The following PCLO variants were observed in gnomAD, a reference collection of about 807,000 sequenced individuals.
The protein encoded by PCLO is protein piccolo.
Under a neutral mutation model 427.5 loss-of-function variants are expected in PCLO, and 82 were observed. The ratio of observed to expected loss-of-function variants is 0.19; its 90% CI spans 0.16 to 0.23. The LOEUF (loss-of-function observed/expected upper bound fraction) is 0.23, where lower values mean the gene tolerates loss of function less well. Ranked by LOEUF, PCLO falls within the 10% of genes least tolerant of loss-of-function variation. The probability of loss-of-function intolerance (pLI) is 1.00; values close to 1 mark genes in which losing one functional copy is unlikely to be tolerated. For synonymous variants in PCLO, 2,357 were observed against 2,155.4 expected (o/e 1.09, Z -2.59); for missense variants, 6,239 against 6,115.9 (o/e 1.02, Z -0.67).
In PCLO at chr7:82,953,143, AACTGGTAATTGCTTG is replaced by A; in HGVS notation, c.7795_7809del (p.Gln2599_Ser2603del). The stretch of plus-strand genomic sequence containing the variant: ...TCTTTGGAGGGTGATCCCAAGGGCC[AACTGGTAATTGCTTG>A]ACTAGCAGAAGAATCTGTTGGAGTC... On this transcript the variant is annotated inframe_deletion, in exon 5 of 25. Transcript: ENST00000333891. 2 of 1,614,010 alleles carry A rather than the reference AACTGGTAATTGCTTG, an allele frequency of 1.2e-6. No individual in the cohort carries two copies. The highest frequency in any genetic ancestry group is 1.7e-6 in the Non-Finnish European group (2 of 1,179,884).
At chr7:82,827,500 AT>A (rs958022717) in intron 17 of PCLO, among the ~76,000 whole-genome samples, 3 of 151,796 alleles carry the variant, frequency 2.0e-5, no homozygotes, top group East Asian at 3.9e-4. Context: ...ACTGAATCTT[AT>A]TTTTTTTGTG....
chr7:82,934,614 C>T (rs1278246216), intron 6 of PCLO, among the ~76,000 whole-genome samples: 1 of 151,624 alleles, frequency 6.6e-6, no homozygotes, highest in African/African-American at 2.4e-5. Context: ...TCCAATTCTA[C>T]AGTATGGTGG....
chr7:83,069,564 C>G (rs1176227767), intron 3 of PCLO, among the ~76,000 whole-genome samples: 1 of 152,018 alleles, frequency 6.6e-6, no homozygotes. Flanking sequence ...TATACATGTA[C>G]TTTTACATAT....
intron 3 of PCLO, among the ~76,000 whole-genome samples, chr7:83,031,750 CT>C (rs1788673349): frequency 6.6e-6 from 1 of 151,384 alleles, no homozygotes; most frequent in Non-Finnish European, 1.5e-5. Context: ...CCCTCCCTCT[CT>C]CTCTCTCACA....
At chr7:83,005,036 G>A (rs949225166) in intron 3 of PCLO, among the ~76,000 whole-genome samples, 8 of 150,800 alleles carry the variant, frequency 5.3e-5, no homozygotes, top group African/African-American at 1.9e-4. Context: ...TGTTGGAAAG[G>A]GTAGGAAGAT....
rs192086543 is a variant in PCLO, at chr7:83,151,592, T to C, written c.1893+3156A>G. On this transcript the variant is annotated intron_variant, in intron 2 of 24. Transcript: ENST00000333891. ...GCTAGTGAGCTTCTCTACCTGCCCT[T>C]ATGTTCCTAGCTTCTTCCATGCTCA... Among the ~76,000 whole-genome samples the C allele has an allele frequency of 2.2e-4, 33 of 152,358 alleles. 1 individual carries two copies. In the East Asian group the frequency reaches 6.0e-3, roughly 28 times the overall value.
chr7:82,992,172 T>C (rs966496193), intron 3 of PCLO, among the ~76,000 whole-genome samples: 5 of 152,144 alleles, frequency 3.3e-5, no homozygotes, highest in African/African-American at 1.2e-4. Flanking sequence ...AACTGATTGA[T>C]TACCTTGGTC....
At chr7:82,795,647 T>C (rs149663233) in intron 22 of PCLO, among the ~76,000 whole-genome samples, 16 of 152,322 alleles carry the variant, frequency 1.1e-4, no homozygotes, top group African/African-American at 3.8e-4. Context: ...CTGCTTTGAA[T>C]GGTTTTACTG....
In PCLO at chr7:82,908,925, C is replaced by A. The variant is rs1381404944; in HGVS notation, c.13389G>T (p.Leu4463=). 2.3e-5 allele frequency: 37 copies of A among 1,612,756 alleles called. No homozygotes were observed. The highest frequency in any genetic ancestry group is 3.1e-5 in the Non-Finnish European group (36 of 1,179,190). Residue 4463 remains leucine (L), a synonymous_variant, in exon 8 of 25, where the codon CTG becomes CTT. Coordinates refer to ENST00000333891, the MANE Select transcript of PCLO (RefSeq NM_033026.6). ...LENGHGLDRK[L]PERLVHSRPL... is the part of the protein sequence containing the mutation. ...GTCTAGAGTGGACCAATCTTTCCGG[C>A]AGTTTTCGGTCCAGACCATGTCCAT...
At chr7:83,079,775 G>A (rs1161488637) in intron 3 of PCLO, among the ~76,000 whole-genome samples, 1 of 151,960 alleles carries the variant, frequency 6.6e-6, no homozygotes, top group African/African-American at 2.4e-5. Context: ...TGTTACATAG[G>A]TAAACATGTG....
chr7:83,005,637 G>C (rs1787927759), intron 3 of PCLO, among the ~76,000 whole-genome samples: 1 of 151,698 alleles, frequency 6.6e-6, no homozygotes, highest in Admixed American at 6.6e-5. Flanking sequence ...ATGAAGTGAT[G>C]AATATGTTTA....
rs201937496 is a variant in PCLO, at chr7:82,952,339, C to A, written c.8614G>T (p.Val2872Phe). The change falls in exon 5 of 25, where the codon GTC becomes TTC. Residue 2872 changes from valine (V) to phenylalanine (F), a missense_variant. By Grantham distance (50) the Val-to-Phe change is conservative (BLOSUM62 -1). Coordinates refer to ENST00000333891, the MANE Select transcript of PCLO (RefSeq NM_033026.6). ...HAVTLAITKP[V>F]TVPPVGVTNG... The stretch of plus-strand genomic sequence containing the variant: ...GTGACACCAACAGGAGGCACAGTGA[C>A]AGGTTTTGTAATAGCCAATGTCACT... The A allele has an allele frequency of 6.2e-6, 10 of 1,613,864 alleles. No homozygotes were observed. Among genetic ancestry groups the A allele is most frequent in the Non-Finnish European group, 8.5e-6 (10 of 1,179,866 alleles).
intron 13 of PCLO, 27 bp from the exon 14 acceptor site, chr7:82,841,536 A>G: frequency 7.6e-7 from 1 of 1,308,252 alleles, no homozygotes; most frequent in African/African-American, 1.5e-5. Flanking sequence ...CATATATTAC[A>G]TTAATAGATA....
rs570227683 is a variant in PCLO at position 82,961,615 on chromosome 7, A to T, written c.4017+4156T>A. Among the ~76,000 whole-genome samples the T allele has an allele frequency of 6.9e-4, 105 of 152,358 alleles. 1 individual carries two copies. The South Asian group carries it at 0.021, about 30-fold the overall frequency. On this transcript the variant is annotated intron_variant, in intron 4 of 24. Coordinates refer to ENST00000333891, the MANE Select transcript of PCLO (RefSeq NM_033026.6). Reference sequence around the variant, plus strand: ...AGTTGTATTTTTAAATCCAAAATACAGGATAAATTAAACTGCACTAATATT... The same window carrying T: ...AGTTGTATTTTTAAATCCAAAATACTGGATAAATTAAACTGCACTAATATT...
At chr7:82,827,107 C>A (rs1338745325) in intron 17 of PCLO, among the ~76,000 whole-genome samples, 1 of 151,802 alleles carries the variant, frequency 6.6e-6, no homozygotes, top group Non-Finnish European at 1.5e-5. Context: ...ATTCACAAAC[C>A]CAGATTATAA....
rs1365216645 is a variant in PCLO, at chr7:82,755,204, T to A, written c.*3371A>T. ...CCCACAATATGACTATTTAAATGTG[T>A]GTGATCCACAAAATTAATTCCACTG... On this transcript the variant is annotated 3_prime_UTR_variant, in exon 25 of 25. Transcript: ENST00000333891. 1 of 152,112 alleles carries A rather than the reference T, an allele frequency of 6.6e-6. No individual in the cohort carries two copies. Among genetic ancestry groups the A allele is most frequent in the African/African-American group, 2.4e-5 (1 of 41,424 alleles). The allele number at this position is 152,112 out of a possible 1,614,324, so 9.4% of individuals were successfully genotyped here. A position where few individuals can be genotyped will look rare whatever the true frequency, so the allele number is the denominator to read the frequency against.
intron 6 of PCLO, among the ~76,000 whole-genome samples, chr7:82,921,070 A>C (rs1325636631): frequency 6.6e-6 from 1 of 151,906 alleles, no homozygotes; most frequent in Non-Finnish European, 1.5e-5. Context: ...GAAGAAATCT[A>C]CACTTTGCCC....
At chr7:82,866,693 CACA>C (rs1793102632) in intron 10 of PCLO, among the ~76,000 whole-genome samples, 6 of 149,250 alleles carry the variant, frequency 4.0e-5, no homozygotes, top group Admixed American at 6.7e-5. Flanking sequence ...CACACACACA[CACA>C]CCCCTTTAAT....
Position 82,754,447 on chromosome 7 carries a change from A to G in PCLO, c.*4128T>C, listed in dbSNP as rs1239716482. 1 of 152,138 alleles carries G rather than the reference A, an allele frequency of 6.6e-6. No homozygotes were observed. The highest frequency in any genetic ancestry group is 2.4e-5 in the African/African-American group (1 of 41,464). 9.4% of individuals were successfully genotyped at this position (152,138 alleles called of 1,614,324 possible). The stretch of plus-strand genomic sequence containing the variant: ...ATGTGTTTTTAGGATATTAGCACAC[A>G]CATTAATCAGTAGTGGGAGCACCTG... On this transcript the variant is annotated 3_prime_UTR_variant, in exon 25 of 25. Transcript: ENST00000333891.
Sources: gnomAD v4.1 joint callset for allele counts (sites outside exome capture counted in the v4.1 genomes callset) on GRCh38, gnomAD v4.1.1 for gene constraint, MANE v1.5 for transcripts, NCBI Gene and HGNC (gene_info 2026-07-23, HGNC 2026-07-21) for gene names.